The following FRMD5 variants were observed in gnomAD, a reference collection of about 807,000 sequenced individuals.
The protein encoded by FRMD5 is FERM domain containing 5.
A neutral mutation model predicts 69.0 loss-of-function variants in FRMD5; 20 were observed. The ratio of observed to expected loss-of-function variants is 0.29; its 90% confidence interval spans 0.20 to 0.42. The LOEUF (loss-of-function observed/expected upper bound fraction) is 0.42, where lower values mean the gene tolerates loss of function less well. FRMD5 is among the 10% of genes least tolerant of loss of function. The probability of loss-of-function intolerance (pLI) is 1.00; values close to 1 mark genes in which losing one functional copy is unlikely to be tolerated. For missense variants in FRMD5, 595 were observed against 708.6 expected (o/e 0.84, Z 1.82); for synonymous variants, 271 against 260.1 (o/e 1.04, Z -0.40).
intron 1 of FRMD5, among the ~76,000 whole-genome samples, chr15:44,027,203 A>C (rs1891465841): frequency 1.3e-5 from 2 of 152,136 alleles, no homozygotes; most frequent in Admixed American, 6.5e-5. Context: ...ACAATCTTAA[A>C]ATAAGACTTT....
intron 1 of FRMD5, among the ~76,000 whole-genome samples, chr15:43,966,508 A>G (rs189358200): frequency 6.6e-6 from 1 of 152,332 alleles, no homozygotes; most frequent in Non-Finnish European, 1.5e-5. Flanking sequence ...TAATTGCCAA[A>G]CCAATCATAT....
intron 1 of FRMD5, among the ~76,000 whole-genome samples, chr15:44,071,134 GA>G (rs1220594851): frequency 1.3e-5 from 2 of 152,168 alleles, no homozygotes; most frequent in Non-Finnish European, 2.9e-5. Flanking sequence ...CCAGAAGCAA[GA>G]GCTATACTTT....
intron 2 of FRMD5, among the ~76,000 whole-genome samples, chr15:43,920,791 G>A (rs1363964137): frequency 6.6e-6 from 1 of 152,146 alleles, no homozygotes; most frequent in Non-Finnish European, 1.5e-5. Context: ...AATGGCAAAG[G>A]GACTGGGCCC....
intron 1 of FRMD5, among the ~76,000 whole-genome samples, chr15:44,140,615 G>A (rs191273207): frequency 3.3e-5 from 5 of 152,034 alleles, no homozygotes; most frequent in African/African-American, 1.2e-4. Context: ...ACAGTGACTC[G>A]TTCCTGTAAT....
intron 1 of FRMD5, among the ~76,000 whole-genome samples, chr15:43,988,293 T>A (rs1381928872): frequency 6.6e-6 from 1 of 151,406 alleles, no homozygotes; most frequent in Non-Finnish European, 1.5e-5. Context: ...TCTCCAGAAT[T>A]GAGGCAAGAC....
chr15:44,166,673 A>G (rs2077713641), intron 1 of FRMD5, among the ~76,000 whole-genome samples: 1 of 151,026 alleles, frequency 6.6e-6, no homozygotes, highest in Non-Finnish European at 1.5e-5. Flanking sequence ...AATCCCAGCT[A>G]CTCGGGAGGC....
At chr15:43,983,917 C>T (rs2090585591) in intron 1 of FRMD5, among the ~76,000 whole-genome samples, 1 of 152,156 alleles carries the variant, frequency 6.6e-6, no homozygotes, top group Non-Finnish European at 1.5e-5. Context: ...AAAGAAGTCC[C>T]TTGATCTCAG....
intron 1 of FRMD5, among the ~76,000 whole-genome samples, chr15:44,029,984 C>T (rs1891608060): frequency 6.6e-6 from 1 of 152,170 alleles, no homozygotes; most frequent in South Asian, 2.1e-4. Flanking sequence ...GTACTCTAGC[C>T]TCCAATGTTT....
At chr15:43,961,115 G>T (rs1254724527) in intron 1 of FRMD5, among the ~76,000 whole-genome samples, 1 of 152,122 alleles carries the variant, frequency 6.6e-6, no homozygotes, top group African/African-American at 2.4e-5. Context: ...GAATCCAGGA[G>T]CTGGTTTTTT....
At chr15:44,064,121 A>G in intron 1 of FRMD5, 1 of 216,684 alleles carries the variant, frequency 4.6e-6, no homozygotes, top group Non-Finnish European at 9.1e-6. Context: ...GGAATTTTCC[A>G]GAACATCATG....
chr15:44,003,736 C>T (rs1216643229), intron 1 of FRMD5, among the ~76,000 whole-genome samples: 3 of 152,202 alleles, frequency 2.0e-5, no homozygotes, highest in African/African-American at 7.2e-5. Context: ...ACCACCCATC[C>T]AACTCTAGCA....
intron 2 of FRMD5, among the ~76,000 whole-genome samples, chr15:43,921,668 G>C (rs1054185895): frequency 1.3e-5 from 2 of 152,182 alleles, no homozygotes; most frequent in Admixed American, 6.5e-5. Context: ...AGGGAGGAGG[G>C]ATTAAAAGAA....
intron 1 of FRMD5, among the ~76,000 whole-genome samples, chr15:44,035,782 C>T (rs1891880722): frequency 6.6e-6 from 1 of 152,066 alleles, no homozygotes; most frequent in Non-Finnish European, 1.5e-5. Flanking sequence ...TTTTAAAAAT[C>T]TATGTTTTAT....
At chr15:43,988,593 G>T (rs1166295233) in intron 1 of FRMD5, among the ~76,000 whole-genome samples, 1 of 151,684 alleles carries the variant, frequency 6.6e-6, no homozygotes, top group Non-Finnish European at 1.5e-5. Context: ...CTCAAGTTGG[G>T]GGACAAAAAA....
At chr15:44,093,773 C>T (rs1441009520) in intron 1 of FRMD5, among the ~76,000 whole-genome samples, 2 of 151,892 alleles carry the variant, frequency 1.3e-5, no homozygotes, top group South Asian at 4.2e-4. Context: ...GGGGTTTCAC[C>T]ATGTTAGCCA....
At chr15:43,991,477 C>T (rs1889674415) in intron 1 of FRMD5, among the ~76,000 whole-genome samples, 1 of 152,152 alleles carries the variant, frequency 6.6e-6, no homozygotes, top group South Asian at 2.1e-4. Context: ...GCATTCTGTG[C>T]CCTCAGACAG....
At position 44,007,637 on chromosome 15, in the gene FRMD5, ATTTTTTT is replaced by A. The variant is rs35512441; in HGVS notation, c.103-83335_103-83329del. ...TCTAATTTTTTTAATTAATTAACTA[ATTTTTTT>A]TTTTTTTTTTTTTTTTTTGAGACAG... On this transcript the variant is annotated intron_variant, in intron 1 of 13. Coordinates refer to ENST00000417257, the MANE Select transcript of FRMD5 (RefSeq NM_032892.5). Among the ~76,000 whole-genome samples the A allele has an allele frequency of 7.0e-3, 569 of 81,160 alleles. 6 individuals carry two copies. Among genetic ancestry groups the A allele is most frequent in the African/African-American group, 0.026 (540 of 20,526 alleles). The allele number at this position is 81,160 out of a possible 152,430, so 53.2% of individuals were successfully genotyped here. A position where few individuals can be genotyped will look rare whatever the true frequency, so the allele number is the denominator to read the frequency against.
chr15:43,888,488 T>A (rs1254496080), intron 9 of FRMD5, among the ~76,000 whole-genome samples: 2 of 152,108 alleles, frequency 1.3e-5, no homozygotes, highest in African/African-American at 4.8e-5. Flanking sequence ...TGGCACAAAT[T>A]GAACCAGGAG....
intron 1 of FRMD5, among the ~76,000 whole-genome samples, chr15:43,973,167 C>T (rs867225491): frequency 3.3e-5 from 5 of 151,686 alleles, no homozygotes; most frequent in Non-Finnish European, 4.4e-5. Context: ...GGACTACAGA[C>T]GCCCGCCACC....
Sources: allele counts gnomAD v4.1 joint callset (sites outside exome capture counted in the v4.1 genomes callset), GRCh38; gene constraint gnomAD v4.1.1; transcripts MANE v1.5; gene names NCBI Gene and HGNC (gene_info 2026-07-23, HGNC 2026-07-21).